BAIAP2: variants seen among roughly 807,000 people sequenced by gnomAD.
BAIAP2 encodes the protein BAR/IMD domain-containing adapter protein 2.
BAIAP2 carries 18 observed loss-of-function variants against 63.0 expected under a neutral mutation model. The ratio of observed to expected loss-of-function variants is 0.29; its 90% CI spans 0.20 to 0.42. The LOEUF (loss-of-function observed/expected upper bound fraction) is 0.42, where lower values mean the gene tolerates loss of function less well. Among genes scored for constraint, BAIAP2 ranks in the 10% least tolerant of loss-of-function variants. BAIAP2 has a pLI of 1.00. For missense variants in BAIAP2, 610 were observed against 734.3 expected, an observed-to-expected ratio of 0.83 and a Z score of 1.96; for synonymous variants, 386 against 307.6, an observed-to-expected ratio of 1.25 and a Z score of -2.67.
chr17:81,074,292 A>G (rs1310688244), intron 3 of BAIAP2, among the ~76,000 whole-genome samples: 2 of 147,260 alleles, frequency 1.4e-5, no homozygotes, highest in South Asian at 2.2e-4. Context: ...GTGTGCATGC[A>G]TGGATACGTG....
intron 12 of BAIAP2, 142 bp from the exon 13 acceptor site, chr17:81,108,333 C>T: frequency 3.5e-6 from 3 of 861,370 alleles, no homozygotes; most frequent in Non-Finnish European, 3.7e-6. Flanking sequence ...GTGCTGCAGC[C>T]AGGAGATGGG....
intron 13 of BAIAP2, chr17:81,111,058 C>T: frequency 6.8e-7 from 1 of 1,469,274 alleles, no homozygotes; most frequent in Admixed American, 1.7e-5. Context: ...GAGGGCCCGG[C>T]TGCATGGCGG....
intron 3 of BAIAP2, among the ~76,000 whole-genome samples, chr17:81,064,333 C>T (rs917382492): frequency 6.6e-6 from 1 of 152,104 alleles, no homozygotes; most frequent in Non-Finnish European, 1.5e-5. Context: ...GAGGTCCTGT[C>T]TTCAGCCCCG....
chr17:81,085,268 G>A (rs914915230), intron 4 of BAIAP2: 3 of 496,972 alleles, frequency 6.0e-6, no homozygotes, highest in South Asian at 4.2e-5. Context: ...CGTTGCTGGC[G>A]GCTGGTTTGC....
intron 5 of BAIAP2, 82 bp from the exon 6 acceptor site, chr17:81,086,361 T>C: frequency 1.3e-6 from 2 of 1,553,604 alleles, no homozygotes; most frequent in East Asian, 2.3e-5. Context: ...GTTGGGCTCA[T>C]GGGCCTCGGT....
chr17:81,064,680 G>A (rs2051156484), intron 3 of BAIAP2, among the ~76,000 whole-genome samples: 1 of 152,084 alleles, frequency 6.6e-6, no homozygotes, highest in Non-Finnish European at 1.5e-5. Flanking sequence ...GGTCAGAGCC[G>A]GCCTTTGGTG....
At chr17:81,041,020 G>T (rs909702298) in intron 1 of BAIAP2, among the ~76,000 whole-genome samples, 1 of 152,234 alleles carries the variant, frequency 6.6e-6, no homozygotes, top group Non-Finnish European at 1.5e-5. Flanking sequence ...GCGGGGGCCC[G>T]TTTCTGCCTG....
intron 13 of BAIAP2, among the ~76,000 whole-genome samples, chr17:81,114,818 G>A (rs527566702): frequency 6.6e-6 from 1 of 152,302 alleles, no homozygotes; most frequent in South Asian, 2.1e-4. Context: ...GAGTCTGCCT[G>A]CCCGTCCCCA....
At chr17:81,054,530 C>T (rs1451169820) in intron 2 of BAIAP2, among the ~76,000 whole-genome samples, 1 of 152,170 alleles carries the variant, frequency 6.6e-6, no homozygotes, top group Non-Finnish European at 1.5e-5. Context: ...GCGGGCTGCT[C>T]TTGTCCTGTG....
At position 81,104,676 on chromosome 17, in the gene BAIAP2, G is replaced by A. The variant is rs1048795319; in HGVS notation, c.1229G>A (p.Arg410His). Residue 410 changes from arginine (R) to histidine (H), a missense_variant, in exon 10 of 14, where the codon CGC becomes CAC. Arg to His is a conservative substitution (Grantham distance 29). Coordinates refer to ENST00000428708, the MANE Select transcript of BAIAP2 (RefSeq NM_001144888.2). ...ATTACCCTGCTGGTGCCTGAGGCCC[G>A]CGATGGCTGGCACTACGGAGAGAGT... is the stretch of plus-strand genomic sequence containing the variant. Reference protein sequence around the residue: ...DLITLLVPEARDGWHYGESEK... With the variant: ...DLITLLVPEAHDGWHYGESEK... The A allele has an allele frequency of 1.9e-6, 3 of 1,601,178 alleles. No homozygotes were observed. Among genetic ancestry groups the A allele is most frequent in the Non-Finnish European group, 1.7e-6 (2 of 1,174,368 alleles).
chr17:81,115,660 G>A (rs1170662428), intron 13 of BAIAP2, 110 bp from the exon 14 acceptor site: 9 of 1,305,016 alleles, frequency 6.9e-6, no homozygotes, highest in Admixed American at 1.8e-5. Flanking sequence ...CCTGAGATCG[G>A]ACCGTAGGCA....
At chr17:81,069,461 G>A (rs745676159) in intron 3 of BAIAP2, among the ~76,000 whole-genome samples, 4 of 152,176 alleles carry the variant, frequency 2.6e-5, no homozygotes, top group Non-Finnish European at 4.4e-5. Context: ...TCCACGGGGC[G>A]GCCGGTCTGA....
At chr17:81,047,752 T>C (rs181358562) in intron 1 of BAIAP2, among the ~76,000 whole-genome samples, 1 of 141,732 alleles carries the variant, frequency 7.1e-6, no homozygotes, top group East Asian at 2.1e-4. Context: ...CAAGTAAACA[T>C]GCAGCTCATG....
In BAIAP2 at chr17:81,085,834, C is replaced by G. The variant is rs1295893498; in HGVS notation, c.351+109C>G. On this transcript the variant is annotated intron_variant, in intron 5 of 13. Coordinates refer to ENST00000428708, the MANE Select transcript of BAIAP2 (RefSeq NM_001144888.2). ...AAGGCTTCCCACTTCCCCGAGCTCC[C>G]CGTCCACATGGGCCCCAGCTCTGAC... 16 of 827,740 alleles carry G rather than the reference C, an allele frequency of 1.9e-5. No homozygotes were observed. In the East Asian group the frequency reaches 3.5e-4, roughly 18 times the overall value. The allele number at this position is 827,740 out of a possible 1,614,324, so 51.3% of individuals were successfully genotyped here. A position where few individuals can be genotyped will look rare whatever the true frequency, so the allele number is the denominator to read the frequency against.
At chr17:81,043,793 CT>C (rs1441998510) in intron 1 of BAIAP2, among the ~76,000 whole-genome samples, 4 of 152,252 alleles carry the variant, frequency 2.6e-5, no homozygotes, top group African/African-American at 9.6e-5. Context: ...CTCATTGAAA[CT>C]GCAGAGCCAA....
At position 81,047,589 on chromosome 17, in the gene BAIAP2, A is replaced by G. The variant is rs552051486; in HGVS notation, c.55-6079A>G. On this transcript the variant is annotated intron_variant, in intron 1 of 13. Transcript: ENST00000428708. ...CATGGGTCCAGCTCATGCCCACAGC[A>G]CACACGGGTCCACGTGTGTCCAGCA... 7.2e-5 allele frequency among the ~76,000 whole-genome samples: 11 copies of G among 151,904 alleles called. No homozygotes were observed. The South Asian group carries it at 2.3e-3, about 32-fold the overall frequency.
At chr17:81,091,311 C>A (rs1015675721) in intron 6 of BAIAP2, among the ~76,000 whole-genome samples, 1 of 151,502 alleles carries the variant, frequency 6.6e-6, no homozygotes, top group African/African-American at 2.4e-5. Context: ...AGGGAAAGGG[C>A]CTGCTGGAAG....
In BAIAP2 at chr17:81,117,123, C is replaced by G. The variant is rs2060569904; in HGVS notation, c.*1284C>G. The G allele has an allele frequency of 6.6e-6, 1 of 152,418 alleles. No homozygotes were observed. The highest frequency in any genetic ancestry group is 2.4e-5 in the African/African-American group (1 of 41,578). 9.4% of individuals were successfully genotyped at this position (152,418 alleles called of 1,614,324 possible). On this transcript the variant is annotated 3_prime_UTR_variant, in exon 14 of 14. Coordinates refer to ENST00000428708, the MANE Select transcript of BAIAP2 (RefSeq NM_001144888.2). ...GGCGCTACCCCTGCGCCCCCACACA[C>G]AGTAGGGCCAGAACACCATCCCCTC...
intron 3 of BAIAP2, among the ~76,000 whole-genome samples, chr17:81,069,168 G>C (rs762269923): frequency 6.6e-6 from 1 of 152,176 alleles, no homozygotes; most frequent in South Asian, 2.1e-4. Context: ...GTGGGTCCAC[G>C]GGCATTCGTG....
Sources: allele counts gnomAD v4.1 joint callset (sites outside exome capture counted in the v4.1 genomes callset), GRCh38; gene constraint gnomAD v4.1.1; transcripts MANE v1.5; gene names NCBI Gene and HGNC (gene_info 2026-07-23, HGNC 2026-07-21).